Variants in SPTLC1 observed in about 807,000 individuals in gnomAD.
The protein encoded by SPTLC1 is serine palmitoyltransferase 1.
A neutral mutation model predicts 68.9 loss-of-function variants in SPTLC1; 55 were observed. That is an observed-to-expected ratio of 0.80 (90% CI 0.64 to 1.00). The LOEUF (loss-of-function observed/expected upper bound fraction) is 1.00, where lower values mean the gene tolerates loss of function less well. Among genes scored for constraint, SPTLC1 ranks in the 50% least tolerant of loss-of-function variants. The probability of loss-of-function intolerance (pLI) is 0.00; values close to 1 mark genes in which losing one functional copy is unlikely to be tolerated. For synonymous variants in SPTLC1, 197 were observed against 201.6 expected (o/e 0.98, Z 0.19); for missense variants, 449 against 573.1 (o/e 0.78, Z 2.21).
chr9:92,055,723 A>G (rs780673061), intron 7 of SPTLC1, among the ~76,000 whole-genome samples: 12 of 152,222 alleles, frequency 7.9e-5, no homozygotes, highest in Admixed American at 2.0e-4. Context: ...CACACACACA[A>G]ACTAATTAGG....
At position 92,046,053 on chromosome 9, in the gene SPTLC1, C is replaced by A; in HGVS notation, c.1082G>T (p.Gly361Val). 1 of 1,612,558 alleles carries A rather than the reference C, an allele frequency of 6.2e-7. No individual in the cohort carries two copies. The highest frequency in any genetic ancestry group is 8.5e-7 in the Non-Finnish European group (1 of 1,179,146). ...CTTTTCCTTCAACACTGCAAAAATA[C>A]CTAGATGAAAAAAATACGTTTGAGA... ...EALNIMEENPGIFAVLKEKCG... is the reference protein window; with the variant it reads ...EALNIMEENPVIFAVLKEKCG... Residue 361 changes from glycine to valine, a missense_variant and splice_region_variant, in exon 12 of 15, where the codon GGT becomes GTT. By Grantham distance (109) the Gly-to-Val change is moderately radical. This residue lies in a region of SPTLC1 where 391 missense variants were observed against 472.1 expected (regional missense o/e 0.83). Coordinates refer to ENST00000262554, the MANE Select transcript of SPTLC1 (RefSeq NM_006415.4).
intron 4 of SPTLC1, 149 bp from the exon 5 acceptor site, chr9:92,080,237 A>G (rs547372211): frequency 1.1e-4 from 70 of 657,868 alleles, no homozygotes; most frequent in Non-Finnish European, 1.5e-4. Context: ...GACTGAGTAT[A>G]TGACTTAAAA....
intron 5 of SPTLC1, among the ~76,000 whole-genome samples, chr9:92,072,503 G>A (rs1014743042): frequency 1.3e-5 from 2 of 152,104 alleles, no homozygotes; most frequent in Non-Finnish European, 2.9e-5. Flanking sequence ...CACTGAGGAT[G>A]CTAGTGGTTG....
At chr9:92,054,533 G>A (rs539837591) in intron 8 of SPTLC1, among the ~76,000 whole-genome samples, 11 of 152,266 alleles carry the variant, frequency 7.2e-5, no homozygotes, top group Admixed American at 5.9e-4. Context: ...TGATACAGAT[G>A]TATATACATC....
intron 3 of SPTLC1, among the ~76,000 whole-genome samples, chr9:92,092,943 C>T (rs1341072760): frequency 6.6e-6 from 1 of 152,132 alleles, no homozygotes; most frequent in Non-Finnish European, 1.5e-5. Context: ...GGGGATGCTG[C>T]CCTAGACTGC....
chr9:92,075,813 T>C (rs1379320200), intron 5 of SPTLC1, among the ~76,000 whole-genome samples: 2 of 152,188 alleles, frequency 1.3e-5, no homozygotes, highest in Non-Finnish European at 2.9e-5. Context: ...ACCATTGCCT[T>C]TGGACAGGAC....
chr9:92,080,646 C>A (rs943042084), intron 4 of SPTLC1, among the ~76,000 whole-genome samples: 1 of 152,152 alleles, frequency 6.6e-6, no homozygotes, highest in Non-Finnish European at 1.5e-5. Flanking sequence ...CCAAGAAATT[C>A]TCCCACCTCA....
chr9:92,049,924 T>C (rs748595363), intron 9 of SPTLC1, 36 bp downstream of exon 9: 1 of 1,309,716 alleles, frequency 7.6e-7, no homozygotes, highest in Non-Finnish European at 1.1e-6. Context: ...ATGTCTCCTA[T>C]AAGAGGGGAA....
intron 8 of SPTLC1, among the ~76,000 whole-genome samples, chr9:92,050,803 C>T (rs1466450887): frequency 1.1e-5 from 1 of 92,432 alleles, no homozygotes; most frequent in Non-Finnish European, 2.0e-5. Context: ...AAAGACAGCA[C>T]AATACTGATT....
intron 3 of SPTLC1, chr9:92,104,296 G>C (rs1308392366): frequency 2.9e-6 from 4 of 1,370,932 alleles, no homozygotes; most frequent in Non-Finnish European, 3.8e-6. Flanking sequence ...GGCCTTCCCA[G>C]CTGGCCGGGC....
At chr9:92,061,459 A>T (rs1464326691) in intron 6 of SPTLC1, among the ~76,000 whole-genome samples, 1 of 152,212 alleles carries the variant, frequency 6.6e-6, no homozygotes, top group African/African-American at 2.4e-5. Flanking sequence ...AAAAATGAAG[A>T]ATATTTGTCA....
chr9:92,096,583 G>A (rs1354610721), intron 3 of SPTLC1, among the ~76,000 whole-genome samples: 1 of 152,150 alleles, frequency 6.6e-6, no homozygotes, highest in East Asian at 1.9e-4. Context: ...AGACAACTCA[G>A]AAGGGAAATA....
intron 8 of SPTLC1, among the ~76,000 whole-genome samples, chr9:92,053,090 T>C (rs190906777): frequency 6.7e-6 from 1 of 150,206 alleles, no homozygotes; most frequent in Non-Finnish European, 1.5e-5. Flanking sequence ...TGAATAGATA[T>C]GTCTCCAAAG....
Position 92,067,993 on chromosome 9 carries a change from T to C in SPTLC1, c.533A>G (p.Tyr178Cys), listed in dbSNP as rs780656777. The C allele has an allele frequency of 6.2e-6, 10 of 1,614,010 alleles. No individual in the cohort carries two copies. The highest frequency in any genetic ancestry group is 8.5e-6 in the Non-Finnish European group (10 of 1,180,006). The change falls in exon 6 of 15, where the codon TAC becomes TGC. Residue 178 changes from tyrosine (Y) to cysteine (C), a missense_variant. This residue lies in a region of SPTLC1 where 391 missense variants were observed against 472.1 expected (regional missense o/e 0.83). Transcript: ENST00000262554. ...FATIASAIPA[Y>C]SKRGDIVFVD... Reference sequence around the variant, plus strand: ...AAAAACAATGTCCCCTCTTTTAGAGTAAGCAGGAATAGCACTGGCTATGGT... The same window carrying C: ...AAAAACAATGTCCCCTCTTTTAGAGCAAGCAGGAATAGCACTGGCTATGGT...
At chr9:92,041,115 T>C (rs560717136) in intron 12 of SPTLC1, among the ~76,000 whole-genome samples, 2 of 152,288 alleles carry the variant, frequency 1.3e-5, no homozygotes, top group Admixed American at 1.3e-4. Context: ...TTACAGTCTA[T>C]AGGGAGAACC....
At chr9:92,051,125 T>C (rs1386687112) in intron 8 of SPTLC1, 1 of 984,990 alleles carries the variant, frequency 1.0e-6, no homozygotes, top group Non-Finnish European at 1.2e-6. Context: ...TATCAACCAT[T>C]GACACTCTTA....
chr9:92,112,533 C>T lies in SPTLC1; in HGVS notation c.87G>A (p.Gly29=). ...GTCTGATTATCCAGAGGATCAGAAT[C>T]CCTTCCAAAATAAGATGGTAAGCAG... ...EAPAYHLILE[G]ILILWIIRLL... The change falls in exon 2 of 15, where the codon GGG becomes GGA. Residue 29 remains glycine (G), a synonymous_variant. Coordinates refer to ENST00000262554, the MANE Select transcript of SPTLC1 (RefSeq NM_006415.4). 6.2e-7 allele frequency: 1 copy of T among 1,608,630 alleles called. No individual in the cohort carries two copies. Among genetic ancestry groups the T allele is most frequent in the Non-Finnish European group, 8.5e-7 (1 of 1,179,314 alleles).
At chr9:92,046,411 G>A (rs570501824) in intron 11 of SPTLC1, 1 of 207,252 alleles carries the variant, frequency 4.8e-6, no homozygotes, top group African/African-American at 2.3e-5. Flanking sequence ...CTATAGTAAA[G>A]TAATTTTTAC....
chr9:92,069,976 C>T (rs1361409581), intron 5 of SPTLC1: 3 of 152,156 alleles, frequency 2.0e-5, no homozygotes. Flanking sequence ...CTGAGTATAA[C>T]CCTGTTTCAG....
Sources: gnomAD v4.1 joint callset for allele counts (sites outside exome capture counted in the v4.1 genomes callset) on GRCh38, gnomAD v4.1.1 for gene constraint, gnomAD v4.1.1 regional missense constraint, MANE v1.5 for transcripts, NCBI Gene and HGNC (gene_info 2026-07-23, HGNC 2026-07-21) for gene names.